Variants in NCALD observed in about 807,000 individuals in gnomAD.
NCALD encodes neurocalcin delta.
NCALD carries 10 observed loss-of-function variants against 18.6 expected under a neutral mutation model. That is an observed-to-expected ratio of 0.54 (90% CI 0.33 to 0.91). The LOEUF is 0.91. NCALD is among the 40% of genes least tolerant of loss of function. The pLI is 0.03. For synonymous variants in NCALD, 88 were observed against 87.4 expected, an observed-to-expected ratio of 1.01 and a Z score of -0.04; for missense variants, 184 against 247.6, an observed-to-expected ratio of 0.74 and a Z score of 1.72.
chr8:102,045,236 T>G (rs929553299), intron 1 of NCALD, among the ~76,000 whole-genome samples: 1 of 152,304 alleles, frequency 6.6e-6, no homozygotes, highest in East Asian at 1.9e-4. Context: ...CTACAGGGTC[T>G]TAAAGTATAA....
chr8:102,060,187 T>C (rs1417290829), intron 1 of NCALD, among the ~76,000 whole-genome samples: 2 of 151,406 alleles, frequency 1.3e-5, no homozygotes, highest in Non-Finnish European at 2.9e-5. Flanking sequence ...TTCACTGTGT[T>C]AGCCAGGATG....
chr8:101,778,652 C>A (rs1320798606), intron 1 of NCALD, among the ~76,000 whole-genome samples: 1 of 151,606 alleles, frequency 6.6e-6, no homozygotes, highest in Non-Finnish European at 1.5e-5. Context: ...CCTCTGAATG[C>A]ACATAAAAGG....
At chr8:101,792,936 G>C (rs1812498988), upstream of NCALD, among the ~76,000 whole-genome samples, 2 of 151,374 alleles carry the variant, frequency 1.3e-5, no homozygotes, top group Admixed American at 1.3e-4. Context: ...ACTTTAAATG[G>C]ATTAATTTGA....
chr8:102,032,650 G>A (rs1385428205), intron 1 of NCALD, among the ~76,000 whole-genome samples: 3 of 147,104 alleles, frequency 2.0e-5, no homozygotes, highest in Admixed American at 6.8e-5. Flanking sequence ...AAAGAGGACT[G>A]AGGAATAGGC....
At chr8:102,040,369 G>A (rs886279545) in intron 1 of NCALD, among the ~76,000 whole-genome samples, 4 of 151,984 alleles carry the variant, frequency 2.6e-5, no homozygotes, top group Non-Finnish European at 4.4e-5. Flanking sequence ...AGCTACTTGG[G>A]AGGCTGAGGC....
chr8:101,712,757 A>G (rs552624346), intron 2 of NCALD, among the ~76,000 whole-genome samples: 102 of 152,334 alleles, frequency 6.7e-4, no homozygotes, highest in African/African-American at 2.2e-3. Flanking sequence ...CACCCAATAC[A>G]GGAGCACCCA....
intron 1 of NCALD, among the ~76,000 whole-genome samples, chr8:102,110,069 A>G (rs2132447125): frequency 6.6e-6 from 1 of 152,294 alleles, no homozygotes; most frequent in Non-Finnish European, 1.5e-5. Context: ...CAGATCTTGT[A>G]AAGGTCTCCT....
chr8:102,032,622 TAAAAA>T (rs59283854), intron 1 of NCALD, among the ~76,000 whole-genome samples: 2 of 104,988 alleles, frequency 1.9e-5, no homozygotes, highest in Non-Finnish European at 3.7e-5. Flanking sequence ...GAAAAACTGC[TAAAAA>T]AAAAAAAAAA....
chr8:101,830,773 C>T (rs1248152022), intron 4 of NCALD, among the ~76,000 whole-genome samples: 1 of 145,412 alleles, frequency 6.9e-6, no homozygotes, highest in Non-Finnish European at 1.5e-5. Context: ...CGGAGTCTGG[C>T]TCTGTCTCCC....
intron 1 of NCALD, among the ~76,000 whole-genome samples, chr8:102,105,428 T>C (rs1825413278): frequency 6.6e-6 from 1 of 152,140 alleles, no homozygotes; most frequent in Non-Finnish European, 1.5e-5. Flanking sequence ...GGCAGGTAAT[T>C]ATTTTGCTGC....
chr8:102,107,219 T>TATATATAC (rs1293263392), intron 1 of NCALD, among the ~76,000 whole-genome samples: 4 of 127,356 alleles, frequency 3.1e-5, no homozygotes, highest in African/African-American at 1.4e-4. Flanking sequence ...TATATATATA[T>TATATATAC]ATATATATAT....
Position 101,756,703 on chromosome 8 carries a change from G to A in NCALD, c.-20+34159C>T, listed in dbSNP as rs776298296. On this transcript the variant is annotated intron_variant, in intron 1 of 3. Coordinates refer to ENST00000220931, the MANE Select transcript of NCALD (RefSeq NM_032041.3). ...GGGATGCAACTTTACCTGCACTGCC[G>A]TTTGTGAGTGGTTCTCACCAGTTAC... 3.9e-5 allele frequency among the ~76,000 whole-genome samples: 6 copies of A among 152,344 alleles called. No individual in the cohort carries two copies. In the East Asian group the frequency reaches 5.8e-4, roughly 15 times the overall value.
intron 4 of NCALD, among the ~76,000 whole-genome samples, chr8:101,831,965 A>C (rs1467153793): frequency 6.6e-6 from 1 of 152,190 alleles, no homozygotes; most frequent in African/African-American, 2.4e-5. Context: ...CAATGAAAAC[A>C]TTCTCCTTTG....
At chr8:101,745,318 A>G (rs1373420632) in intron 1 of NCALD, among the ~76,000 whole-genome samples, 1 of 152,194 alleles carries the variant, frequency 6.6e-6, no homozygotes, top group African/African-American at 2.4e-5. Context: ...CCTGGTGAGC[A>G]GCAGTTTTCA....
intron 4 of NCALD, among the ~76,000 whole-genome samples, chr8:101,809,036 C>T (rs1813212154): frequency 6.6e-6 from 1 of 152,156 alleles, no homozygotes; most frequent in East Asian, 1.9e-4. Context: ...TGAAATATCA[C>T]ATGTTTAATA....
Position 101,719,249 on chromosome 8 carries a change from T to C in NCALD, c.378+3A>G, listed in dbSNP as rs1303537325. The C allele has an allele frequency of 1.2e-6, 2 of 1,613,034 alleles. No homozygotes were observed. Among genetic ancestry groups the C allele is most frequent in the Admixed American group, 1.7e-5 (1 of 59,962 alleles). On this transcript the variant is annotated splice_donor_region_variant and intron_variant, in intron 2 of 3. Transcript: ENST00000220931. ...CTTTTTTTAAAGGGCTCAGTCTACG[T>C]ACCTGCACGATCTCTAGCATCTCTG...
intron 4 of NCALD, among the ~76,000 whole-genome samples, chr8:101,812,286 A>C (rs1423445284): frequency 1.3e-5 from 2 of 151,894 alleles, no homozygotes; most frequent in East Asian, 3.8e-4. Context: ...TCACCAAAGC[A>C]GTCTATGAAT....
intron 1 of NCALD, among the ~76,000 whole-genome samples, chr8:102,104,769 T>A (rs1026551350): frequency 2.0e-5 from 3 of 152,198 alleles, no homozygotes; most frequent in African/African-American, 7.2e-5. Context: ...TCCCAGTCCA[T>A]GTGCTTCAAT....
chr8:101,826,781 A>T (rs1211409961), intron 4 of NCALD, among the ~76,000 whole-genome samples: 1 of 152,236 alleles, frequency 6.6e-6, no homozygotes, highest in Non-Finnish European at 1.5e-5. Flanking sequence ...ACAATTCGGC[A>T]GGCATTAGGA....
Sources: gnomAD v4.1 joint callset for allele counts (sites outside exome capture counted in the v4.1 genomes callset) on GRCh38, gnomAD v4.1.1 for gene constraint, MANE v1.5 for transcripts, NCBI Gene and HGNC (gene_info 2026-07-23, HGNC 2026-07-21) for gene names.